Variants in IL1RAPL1 observed in about 807,000 individuals in gnomAD.
IL1RAPL1 encodes the protein interleukin-1 receptor accessory protein-like 1.
In IL1RAPL1, 3 loss-of-function variants were observed where a neutral mutation model predicts 48.4. The observed-to-expected ratio is 0.06, with a 90% CI of 0.03 to 0.16. The LOEUF (loss-of-function observed/expected upper bound fraction) is 0.16, where lower values mean the gene tolerates loss of function less well. Ranked by LOEUF, IL1RAPL1 falls within the 10% of genes least tolerant of loss-of-function variation. The pLI, the probability that IL1RAPL1 is intolerant of heterozygous loss-of-function variation, is 1.00. For synonymous variants in IL1RAPL1, 185 were observed against 187.7 expected, an observed-to-expected ratio of 0.99 and a Z score of 0.12; for missense variants, 349 against 530.6, an observed-to-expected ratio of 0.66 and a Z score of 3.36.
chrX:29,460,734 A>G (rs1210371307), intron 5 of IL1RAPL1, among the ~76,000 whole-genome samples: 1 of 112,059 alleles, frequency 8.9e-6, no homozygotes, highest in African/African-American at 3.2e-5. Flanking sequence ...AGACATAAAT[A>G]ACTGCTTGCT....
intron 6 of IL1RAPL1, among the ~76,000 whole-genome samples, chrX:29,882,446 A>T (rs1450075105): frequency 8.9e-6 from 1 of 112,003 alleles, no homozygotes; most frequent in African/African-American, 3.2e-5. Flanking sequence ...GAATAATACT[A>T]GTACTGACAT....
chrX:29,310,134 G>GA (rs1932698901), intron 3 of IL1RAPL1, among the ~76,000 whole-genome samples: 1 of 41,463 alleles, frequency 2.4e-5, no homozygotes, highest in Admixed American at 2.6e-4. Flanking sequence ...AAAAAAGAAA[G>GA]GAAAAAAAAA....
chrX:28,748,904 T>C (rs1259550091), intron 1 of IL1RAPL1, among the ~76,000 whole-genome samples: 2 of 111,404 alleles, frequency 1.8e-5, no homozygotes, highest in Non-Finnish European at 3.8e-5. Flanking sequence ...AAATAGTAAC[T>C]TTGCACTCAT....
intron 6 of IL1RAPL1, among the ~76,000 whole-genome samples, chrX:29,906,153 G>A (rs1437820319): frequency 3.7e-5 from 4 of 107,608 alleles, no homozygotes; most frequent in Admixed American, 3.0e-4. Context: ...TGGCTAACAC[G>A]GTGAAACCCC....
intron 1 of IL1RAPL1, among the ~76,000 whole-genome samples, chrX:28,693,505 G>T (rs1935200826): frequency 8.9e-6 from 1 of 112,233 alleles, no homozygotes; most frequent in Non-Finnish European, 1.9e-5. Context: ...ATTAGAAATT[G>T]TTGTGATTGT....
rs750295555 is a variant in IL1RAPL1, at chrX:29,151,853, G to A, written c.83-131085G>A. ...ATGAAAGGACTTAGATATGAAAGTT[G>A]GAAGTCAGAGTTCAGAGAAAAGATA... On this transcript the variant is annotated intron_variant, in intron 2 of 10. Transcript: ENST00000378993. Among the ~76,000 whole-genome samples, 3 of 111,296 alleles carry A rather than the reference G, an allele frequency of 2.7e-5. No homozygotes were observed. The South Asian group carries it at 1.2e-3, about 43-fold the overall frequency.
chrX:28,973,732 C>T (rs905109843), intron 2 of IL1RAPL1, among the ~76,000 whole-genome samples: 1 of 111,916 alleles, frequency 8.9e-6, no homozygotes, highest in African/African-American at 3.2e-5. Flanking sequence ...GCCCATCAGC[C>T]CAGGTGTCTT....
intron 6 of IL1RAPL1, among the ~76,000 whole-genome samples, chrX:29,914,033 T>C (rs2147235420): frequency 8.9e-6 from 1 of 111,997 alleles, no homozygotes; most frequent in Non-Finnish European, 1.9e-5. Context: ...TTCTATTCCT[T>C]CCTTGAATTT....
At chrX:29,275,100 G>A (rs761661812) in intron 2 of IL1RAPL1, among the ~76,000 whole-genome samples, 3 of 111,121 alleles carry the variant, frequency 2.7e-5, no homozygotes, top group East Asian at 2.8e-4. Context: ...ATAACACTTC[G>A]TTTGCAGACA....
At chrX:29,345,372 C>T (rs1490074866) in intron 3 of IL1RAPL1, among the ~76,000 whole-genome samples, 1 of 111,962 alleles carries the variant, frequency 8.9e-6, no homozygotes, top group African/African-American at 3.2e-5. Context: ...TTGTAATATG[C>T]ATTTCTCTGA....
At chrX:28,903,490 C>T (rs185576790) in intron 2 of IL1RAPL1, among the ~76,000 whole-genome samples, 37 of 102,337 alleles carry the variant, frequency 3.6e-4, no homozygotes, top group East Asian at 1.6e-3. Flanking sequence ...CATGTATTTT[C>T]GATACAAGCC....
intron 1 of IL1RAPL1, among the ~76,000 whole-genome samples, chrX:28,715,991 G>A (rs1360184168): frequency 1.8e-5 from 2 of 112,030 alleles, no homozygotes; most frequent in African/African-American, 3.2e-5. Flanking sequence ...CCACAATCAA[G>A]TAGGCTTCAT....
intron 6 of IL1RAPL1, among the ~76,000 whole-genome samples, chrX:29,898,991 A>C (rs1380682645): frequency 8.9e-6 from 1 of 111,802 alleles, no homozygotes; most frequent in Non-Finnish European, 1.9e-5. Flanking sequence ...TTATTGAACG[A>C]ATCTTGAGGA....
At chrX:29,690,844 G>C (rs1426210958) in intron 6 of IL1RAPL1, among the ~76,000 whole-genome samples, 2 of 111,648 alleles carry the variant, frequency 1.8e-5, no homozygotes, top group Non-Finnish European at 3.8e-5. Flanking sequence ...TAATGTACTA[G>C]CGAGACATCA....
chrX:29,351,315 A>G (rs1933227508), intron 3 of IL1RAPL1, among the ~76,000 whole-genome samples: 1 of 111,596 alleles, frequency 9.0e-6, no homozygotes, highest in African/African-American at 3.3e-5. Flanking sequence ...TTTTGATTCA[A>G]AACACCCAGC....
chrX:28,626,049 A>C (rs748340483), intron 1 of IL1RAPL1, among the ~76,000 whole-genome samples: 1 of 112,145 alleles, frequency 8.9e-6, no homozygotes, highest in Non-Finnish European at 1.9e-5. Context: ...CACCAGGAAG[A>C]TACAGAAAAT....
intron 5 of IL1RAPL1, among the ~76,000 whole-genome samples, chrX:29,421,650 A>G (rs1198303929): frequency 1.8e-5 from 2 of 111,994 alleles, no homozygotes; most frequent in Non-Finnish European, 3.8e-5. Flanking sequence ...TTTTCTAAGC[A>G]TTAGTGTGTA....
At chrX:29,877,044 T>C (rs1408942624) in intron 6 of IL1RAPL1, among the ~76,000 whole-genome samples, 2 of 111,671 alleles carry the variant, frequency 1.8e-5, no homozygotes, top group African/African-American at 6.5e-5. Context: ...ACCTCTACTA[T>C]CCATAGTATT....
chrX:29,702,358 C>T (rs1182725122), intron 6 of IL1RAPL1, among the ~76,000 whole-genome samples: 1 of 110,997 alleles, frequency 9.0e-6, no homozygotes, highest in African/African-American at 3.3e-5. Flanking sequence ...GAGGCTCACA[C>T]AATCACAGGA....
Sources: allele counts gnomAD v4.1 joint callset (sites outside exome capture counted in the v4.1 genomes callset), GRCh38; gene constraint gnomAD v4.1.1; transcripts MANE v1.5; gene names NCBI Gene and HGNC (gene_info 2026-07-23, HGNC 2026-07-21).